ATP9B: variants seen among roughly 807,000 people sequenced by gnomAD.
The protein encoded by ATP9B is ATPase phospholipid transporting 9B.
Under a neutral mutation model 146.1 loss-of-function variants are expected in ATP9B, and 110 were observed. The ratio of observed to expected loss-of-function variants is 0.75; its 90% CI spans 0.65 to 0.88. The LOEUF is 0.88. Among genes scored for constraint, ATP9B ranks in the 40% least tolerant of loss-of-function variants. The probability of loss-of-function intolerance (pLI) is 0.00; values close to 1 mark genes in which losing one functional copy is unlikely to be tolerated. For synonymous variants in ATP9B, 604 were observed against 569.7 expected (o/e 1.06, Z -0.86); for missense variants, 1,499 against 1,496.4 (o/e 1.00, Z -0.03).
At chr18:79,185,168 T>C (rs1307113730) in intron 8 of ATP9B, among the ~76,000 whole-genome samples, 4 of 152,130 alleles carry the variant, frequency 2.6e-5, no homozygotes, top group Non-Finnish European at 5.9e-5. Flanking sequence ...GTGGTGGTGG[T>C]CACAGGCATA....
intron 25 of ATP9B, 52 bp downstream of exon 25, chr18:79,348,248 GAAAAAAAAA>G (rs56654324): frequency 4.1e-5 from 34 of 827,676 alleles, no homozygotes; most frequent in Middle Eastern, 2.4e-4. Context: ...CTTCTATTTT[GAAAAAAAAA>G]AAAAAAAAAA....
chr18:79,089,584 C>T (rs892553464), intron 1 of ATP9B, among the ~76,000 whole-genome samples: 4 of 151,956 alleles, frequency 2.6e-5, no homozygotes, highest in African/African-American at 9.7e-5. Flanking sequence ...TAAGGAAGAC[C>T]TCTCCCTCAC....
chr18:79,161,101 C>A (rs1477848250), intron 7 of ATP9B, among the ~76,000 whole-genome samples: 1 of 152,116 alleles, frequency 6.6e-6, no homozygotes, highest in Non-Finnish European at 1.5e-5. Context: ...TCTTCCTCAG[C>A]CTCTTAATGT....
At chr18:79,074,059 A>ATAGG (rs1409760423) in intron 1 of ATP9B, among the ~76,000 whole-genome samples, 1 of 152,188 alleles carries the variant, frequency 6.6e-6, no homozygotes, top group Non-Finnish European at 1.5e-5. Context: ...GATTCAGCAC[A>ATAGG]TAGGTCCTGG....
rs543796444 is a variant in ATP9B, at chr18:79,311,461, A to G, written c.1773+4227A>G. Among the ~76,000 whole-genome samples the G allele has an allele frequency of 7.5e-4, 114 of 152,324 alleles. 1 individual carries two copies. The highest frequency in any genetic ancestry group is 2.5e-3 in the African/African-American group (105 of 41,572). Reference sequence around the variant, plus strand: ...GGTGACCTCAGGAACAAGAAAGCCTAAATGTGCCAGCAGATTCATGGTATT... The same window carrying G: ...GGTGACCTCAGGAACAAGAAAGCCTGAATGTGCCAGCAGATTCATGGTATT... On this transcript the variant is annotated intron_variant, in intron 15 of 29. Coordinates refer to ENST00000426216, the MANE Select transcript of ATP9B (RefSeq NM_198531.5).
At chr18:79,372,238 CT>C in intron 26 of ATP9B, among the ~76,000 whole-genome samples, 1 of 147,108 alleles carries the variant, frequency 6.8e-6, no homozygotes, top group African/African-American at 2.5e-5. Flanking sequence ...CTCCTGCCCC[CT>C]CGTCCCCTGC....
In ATP9B at chr18:79,327,810, C is replaced by T. The variant is rs75243075; in HGVS notation, c.1774-1331C>T. ...TGGTTAGCGTGCTCTCCGTGGTTAG[C>T]GTGTTCTCCGTGGTTAGTGTGTTCT... On this transcript the variant is annotated intron_variant, in intron 15 of 29. Transcript: ENST00000426216. Among the ~76,000 whole-genome samples the T allele has an allele frequency of 1.7e-4, 18 of 105,548 alleles. No individual in the cohort carries two copies. In the East Asian group the frequency reaches 1.8e-3, roughly 11 times the overall value. 69.2% of individuals were successfully genotyped at this position (105,548 alleles called of 152,430 possible).
intron 13 of ATP9B, among the ~76,000 whole-genome samples, chr18:79,302,941 A>G (rs1232888639): frequency 2.0e-5 from 3 of 152,194 alleles, no homozygotes; most frequent in African/African-American, 7.2e-5. Context: ...TTGTAATTAT[A>G]AAGGTGGTGA....
At chr18:79,346,715 G>T (rs1236924786) in intron 23 of ATP9B, among the ~76,000 whole-genome samples, 1 of 152,222 alleles carries the variant, frequency 6.6e-6, no homozygotes, top group Non-Finnish European at 1.5e-5. Flanking sequence ...GTCAGCACGT[G>T]CTCAGTGCAT....
At chr18:79,346,684 GCA>G (rs1449141646) in intron 23 of ATP9B, among the ~76,000 whole-genome samples, 2 of 148,906 alleles carry the variant, frequency 1.3e-5, no homozygotes, top group East Asian at 4.1e-4. Context: ...CACACACTCG[GCA>G]CACACTCGGT....
rs565969994 is a variant in ATP9B at position 79,249,371 on chromosome 18, A to T, written c.1108-4010A>T. On this transcript the variant is annotated intron_variant, in intron 11 of 29. Coordinates refer to ENST00000426216, the MANE Select transcript of ATP9B (RefSeq NM_198531.5). Reference sequence around the variant, plus strand: ...TGGAGATTAAAATTTGCAGTAGCATATTTAATTTTGTTATTGCAGTTGTTT... The same window carrying T: ...TGGAGATTAAAATTTGCAGTAGCATTTTTAATTTTGTTATTGCAGTTGTTT... Among the ~76,000 whole-genome samples, 429 of 152,342 alleles carry T rather than the reference A, an allele frequency of 2.8e-3. 2 individuals are homozygous for T. The highest frequency in any genetic ancestry group is 5.4e-3 in the Admixed American group (82 of 15,302).
chr18:79,348,176 T>G lies in ATP9B; in HGVS notation c.2883T>G (p.Tyr961Ter). The change falls in exon 25 of 30, where the codon TAT becomes TAG. Residue 961 changes from tyrosine to a stop codon, truncating the protein, a stop_gained. Transcript: ENST00000426216. LOFTEE classifies it high-confidence loss of function. ...TCTACTTCGCATCCGTCCCTTTGTA[T>G]CAGGGCTTCCTCATGGTGGGGTAAG... is the stretch of plus-strand genomic sequence containing the variant. ...SVFYFASVPLYQGFLMVGYAT... is the reference protein window; with the variant it reads ...SVFYFASVPL The G allele has an allele frequency of 6.2e-7, 1 of 1,612,006 alleles. No individual in the cohort carries two copies. Among genetic ancestry groups the G allele is most frequent in the Non-Finnish European group, 8.5e-7 (1 of 1,179,758 alleles).
chr18:79,144,875 TAA>T (rs1269395923), intron 6 of ATP9B: 1 of 156,602 alleles, frequency 6.4e-6, no homozygotes, highest in African/African-American at 2.4e-5. Context: ...TTAAAAAATT[TAA>T]GAGGGAAAAG....
intron 4 of ATP9B, among the ~76,000 whole-genome samples, chr18:79,116,882 C>A (rs1260027532): frequency 9.0e-6 from 1 of 111,724 alleles, no homozygotes; most frequent in Non-Finnish European, 1.8e-5. Context: ...TGTAACTAAC[C>A]TGCACAATGT....
rs1459753065 is a variant in ATP9B, at chr18:79,239,473, C to T, written c.1108-13908C>T. ...GTGGTATGAGCACCGCCAGCCAAGTCTGCTGTGGCAGGGACAGGGACGTAG... is the reference window on the plus strand; with the variant it reads ...GTGGTATGAGCACCGCCAGCCAAGTTTGCTGTGGCAGGGACAGGGACGTAG... On this transcript the variant is annotated intron_variant, in intron 11 of 29. Transcript: ENST00000426216. This position sits in a 1 kb window ranked among gnomAD's most constrained non-coding sequence, Gnocchi z 5.1. 6.6e-6 allele frequency among the ~76,000 whole-genome samples: 1 copy of T among 152,222 alleles called. No homozygotes were observed. The highest frequency in any genetic ancestry group is 1.5e-5 in the Non-Finnish European group (1 of 68,042).
chr18:79,086,799 T>G (rs2073880814), intron 1 of ATP9B, among the ~76,000 whole-genome samples: 1 of 152,256 alleles, frequency 6.6e-6, no homozygotes, highest in South Asian at 2.1e-4. Flanking sequence ...GTATATATGA[T>G]TCCCATGGGG....
At chr18:79,286,752 G>C (rs1447395063) in intron 13 of ATP9B, among the ~76,000 whole-genome samples, 2 of 152,026 alleles carry the variant, frequency 1.3e-5, no homozygotes, top group Admixed American at 6.6e-5. Context: ...ATTGGCTGTG[G>C]GTTTGTCATA....
Position 79,143,809 on chromosome 18 carries a change from G to A in ATP9B, c.675G>A (p.Val225=), listed in dbSNP as rs374774857. 123 of 1,577,328 alleles carry A rather than the reference G, an allele frequency of 7.8e-5. No individual in the cohort carries two copies. The highest frequency in any genetic ancestry group is 9.9e-5 in the Non-Finnish European group (115 of 1,164,778). Residue 225 remains valine, a synonymous_variant, in exon 6 of 30, where the codon GTG becomes GTA. Transcript: ENST00000426216. ...LYSKLTVRGK[V]QVKSSDIQVG... ...ACTTCTTCTTTTTTTAAGGTAAAGTGCAAGTTAAGAGTTCAGACATACAAG... is the reference window on the plus strand; with the variant it reads ...ACTTCTTCTTTTTTTAAGGTAAAGTACAAGTTAAGAGTTCAGACATACAAG...
intron 13 of ATP9B, among the ~76,000 whole-genome samples, chr18:79,294,835 C>A (rs1476358860): frequency 6.6e-6 from 1 of 152,134 alleles, no homozygotes; most frequent in Admixed American, 6.5e-5. Flanking sequence ...AGTGAGGGCT[C>A]AGATGAAAGA....
Sources: allele counts gnomAD v4.1 joint callset (sites outside exome capture counted in the v4.1 genomes callset), GRCh38; gene constraint gnomAD v4.1.1; non-coding constraint Gnocchi (gnomAD v3.1); transcripts MANE v1.5; gene names NCBI Gene and HGNC (gene_info 2026-07-23, HGNC 2026-07-21).